The following LIX1 variants were observed in gnomAD, a reference collection of about 807,000 sequenced individuals.
The protein encoded by LIX1 is limb and CNS expressed 1.
LIX1 carries 24 observed loss-of-function variants against 33.4 expected under a neutral mutation model. The observed-to-expected ratio is 0.72, with a 90% CI of 0.52 to 1.01. The LOEUF (loss-of-function observed/expected upper bound fraction) is 1.01, where lower values mean the gene tolerates loss of function less well. Among genes scored for constraint, LIX1 ranks in the 50% least tolerant of loss-of-function variants. The pLI is 0.00. For missense variants in LIX1, 311 were observed against 339.2 expected, an observed-to-expected ratio of 0.92 and a Z score of 0.65; for synonymous variants, 124 against 124.0, an observed-to-expected ratio of 1.00 and a Z score of 0.00.
rs1329692875 is a variant in LIX1 at position 97,142,082 on chromosome 5, C to T, written c.82+413G>A. ...CAAATATTTTCAGACAAACACGATA[C>T]TTGAATTAACATAGCTAATATGTGT... is the stretch of plus-strand genomic sequence containing the variant. On this transcript the variant is annotated intron_variant, in intron 1 of 5. Coordinates refer to ENST00000274382, the MANE Select transcript of LIX1 (RefSeq NM_153234.5). Among the ~76,000 whole-genome samples, 7 of 152,300 alleles carry T rather than the reference C, an allele frequency of 4.6e-5. No homozygotes were observed. In the South Asian group the frequency reaches 1.0e-3, roughly 23 times the overall value.
intron 1 of LIX1, among the ~76,000 whole-genome samples, chr5:97,130,122 G>A (rs1025186509): frequency 6.6e-6 from 1 of 152,198 alleles, no homozygotes. Context: ...TGGCTCAGGA[G>A]GGGCTGTGAC....
intron 2 of LIX1, among the ~76,000 whole-genome samples, chr5:97,116,677 CTTTTCTT>C (rs1283524898): frequency 6.6e-6 from 1 of 151,986 alleles, no homozygotes; most frequent in Non-Finnish European, 1.5e-5. Context: ...TATTCCTTTT[CTTTTCTT>C]TTTTCTTTTA....
rs545423685 is a variant in LIX1 at position 97,134,879 on chromosome 5, T to C, written c.82+7616A>G. 1.7e-4 allele frequency among the ~76,000 whole-genome samples: 26 copies of C among 152,326 alleles called. No individual in the cohort carries two copies. In the South Asian group the frequency reaches 3.1e-3, roughly 18 times the overall value. On this transcript the variant is annotated intron_variant, in intron 1 of 5. Coordinates refer to ENST00000274382, the MANE Select transcript of LIX1 (RefSeq NM_153234.5). ...CCCTTTTTCTTTTGTGTAGACACTT[T>C]CAAAGGTAGCCACAGCACACAGCAG...
intron 1 of LIX1, among the ~76,000 whole-genome samples, chr5:97,134,736 A>G (rs1446558987): frequency 1.3e-5 from 2 of 152,240 alleles, no homozygotes; most frequent in African/African-American, 4.8e-5. Context: ...ACCCCAGGAC[A>G]CTGACAAACA....
rs1310109071 is a variant in LIX1, at chr5:97,142,549, G to A, written c.28C>T (p.His10Tyr). 8.1e-6 allele frequency: 13 copies of A among 1,614,068 alleles called. No individual in the cohort carries two copies. The East Asian group carries it at 2.9e-4, about 36-fold the overall frequency. MDRTLESLR[H>Y]IIAQVLPHRD... ...TGAGGCAAGACTTGGGCAATGATGT[G>A]TCTCAGAGATTCCAAGGTTCTGTCC... is the stretch of plus-strand genomic sequence containing the variant. Residue 10 changes from histidine to tyrosine, a missense_variant, in exon 1 of 6, where the codon CAC (histidine) becomes TAC (tyrosine). Coordinates refer to ENST00000274382, the MANE Select transcript of LIX1 (RefSeq NM_153234.5).
intron 3 of LIX1, among the ~76,000 whole-genome samples, chr5:97,106,850 C>A (rs1406449623): frequency 1.3e-5 from 2 of 152,174 alleles, no homozygotes; most frequent in African/African-American, 4.8e-5. Flanking sequence ...TAATAGCTAA[C>A]ACATATTGGG....
intron 1 of LIX1, among the ~76,000 whole-genome samples, chr5:97,128,425 G>A (rs1263230285): frequency 6.6e-6 from 1 of 151,918 alleles, no homozygotes; most frequent in African/African-American, 2.4e-5. Context: ...TACTCATGTT[G>A]GCTAGCATGG....
At chr5:97,113,182 G>A (rs796942467) in intron 2 of LIX1, among the ~76,000 whole-genome samples, 4 of 152,298 alleles carry the variant, frequency 2.6e-5, no homozygotes, top group African/African-American at 9.6e-5. Context: ...GCAGCCATCT[G>A]AGTGAGATGG....
At position 97,139,005 on chromosome 5, in the gene LIX1, AT is replaced by A. The variant is rs148869495; in HGVS notation, c.82+3489del. ...TGGTCCCAAGCATTTCAGATAAGGC[AT>A]ACTCAACCTGTACTGCTATTACAAC... On this transcript the variant is annotated intron_variant, in intron 1 of 5. Transcript: ENST00000274382. 3.8e-3 allele frequency among the ~76,000 whole-genome samples: 580 copies of A among 152,318 alleles called. 13 individuals are homozygous for A. Among genetic ancestry groups the A allele is most frequent in the Admixed American group, 0.03 (452 of 15,290 alleles).
At chr5:97,127,298 C>T (rs1328535938) in intron 1 of LIX1, among the ~76,000 whole-genome samples, 1 of 152,148 alleles carries the variant, frequency 6.6e-6, no homozygotes, top group East Asian at 1.9e-4. Flanking sequence ...GGAAAATGAA[C>T]ACAAGAATTT....
rs202011398 is a variant in LIX1, at chr5:97,128,665, C to CA, written c.83-4037dup. 7.6e-3 allele frequency among the ~76,000 whole-genome samples: 1,141 copies of CA among 150,802 alleles called. 8 individuals carry two copies. Among genetic ancestry groups the CA allele is most frequent in the Middle Eastern group, 0.027 (8 of 294 alleles). On this transcript the variant is annotated intron_variant, in intron 1 of 5. Coordinates refer to ENST00000274382, the MANE Select transcript of LIX1 (RefSeq NM_153234.5). ...AATTACTTTTCTTTCTCCTGGGTTA[C>CA]AAAAAAAAAGTGATGTTATCATCTA...
At chr5:97,115,772 G>T (rs1259006257) in intron 2 of LIX1, among the ~76,000 whole-genome samples, 3 of 142,434 alleles carry the variant, frequency 2.1e-5, no homozygotes, top group African/African-American at 8.1e-5. Flanking sequence ...AAAAAAAAAA[G>T]AACAGTAATG....
intron 1 of LIX1, among the ~76,000 whole-genome samples, chr5:97,126,448 A>G (rs866798870): frequency 3.9e-5 from 6 of 152,298 alleles, no homozygotes; most frequent in Admixed American, 2.0e-4. Context: ...ACTGGTTGCC[A>G]TGTATATTTA....
At chr5:97,120,620 A>T (rs1747754072) in intron 2 of LIX1, among the ~76,000 whole-genome samples, 1 of 152,172 alleles carries the variant, frequency 6.6e-6, no homozygotes, top group Non-Finnish European at 1.5e-5. Context: ...TCCTAAGTAG[A>T]TCTCAATGTG....
rs188925806 is a variant in LIX1, at chr5:97,115,518, G to A, written c.247-8018C>T. Among the ~76,000 whole-genome samples the A allele has an allele frequency of 2.8e-3, 420 of 152,230 alleles. 2 individuals are homozygous for A. Among genetic ancestry groups the A allele is most frequent in the African/African-American group, 9.5e-3 (393 of 41,534 alleles). On this transcript the variant is annotated intron_variant, in intron 2 of 5. Transcript: ENST00000274382. ...TGTTTCTACATCCCAAGGTTTTACT[G>A]TACTTACATCCCAACTACAGTGCTT...
intron 4 of LIX1, among the ~76,000 whole-genome samples, chr5:97,103,683 A>C (rs1746839189): frequency 6.6e-6 from 1 of 152,190 alleles, no homozygotes; most frequent in Non-Finnish European, 1.5e-5. Flanking sequence ...TGGATGACTA[A>C]GGCCGGGCAC....
Position 97,105,257 on chromosome 5 carries a change from C to A in LIX1, c.416G>T (p.Ser139Ile), listed in dbSNP as rs774112919. 3.7e-6 allele frequency: 6 copies of A among 1,614,006 alleles called. No individual in the cohort carries two copies. In the Admixed American group the frequency reaches 1.0e-4, roughly 27 times the overall value. Reference protein sequence around the residue: ...SGTLDDADDPSTSVGAYHYML... With the variant: ...SGTLDDADDPITSVGAYHYML... ...GTAGTGATAGGCCCCAACACTGGTG[C>A]TGGGGTCATCTGCATCATCTAAGGT... The change falls in exon 4 of 6, where the codon AGC (serine) becomes ATC (isoleucine). Residue 139 changes from serine (S) to isoleucine (I), a missense_variant. Coordinates refer to ENST00000274382, the MANE Select transcript of LIX1 (RefSeq NM_153234.5).
Position 97,094,945 on chromosome 5 carries a change from G to T in LIX1, c.652C>A (p.Pro218Thr). The change falls in exon 6 of 6, where the codon CCA becomes ACA. Residue 218 changes from proline to threonine, a missense_variant. Transcript: ENST00000274382. ...CGTAGCTCTTGAGAGACAATTCCTG[G>T]TGAGTCCCGCTCCTTCATGATCCAG... is the stretch of plus-strand genomic sequence containing the variant. ...LDWIMKERDS[P>T]GIVSQELRMA... 6.2e-7 allele frequency: 1 copy of T among 1,614,138 alleles called. No homozygotes were observed. The highest frequency in any genetic ancestry group is 2.2e-5 in the East Asian group (1 of 44,882).
chr5:97,141,089 ATTAAG>A (rs1315283170), intron 1 of LIX1, among the ~76,000 whole-genome samples: 2 of 152,000 alleles, frequency 1.3e-5, no homozygotes, highest in Admixed American at 6.6e-5. Context: ...ATTTGAACTT[ATTAAG>A]TTTTCAATGG....
Sources: allele counts gnomAD v4.1 joint callset (sites outside exome capture counted in the v4.1 genomes callset), GRCh38; gene constraint gnomAD v4.1.1; transcripts MANE v1.5; gene names NCBI Gene and HGNC (gene_info 2026-07-23, HGNC 2026-07-21).